GPHN: variants seen among roughly 807,000 people sequenced by gnomAD.
The protein encoded by GPHN is gephyrin.
A neutral mutation model predicts 95.5 loss-of-function variants in GPHN; 17 were observed. The observed-to-expected ratio is 0.18, with a 90% CI of 0.12 to 0.27. GPHN has a LOEUF of 0.27. Ranked by LOEUF, GPHN falls within the 10% of genes least tolerant of loss-of-function variation. The probability of loss-of-function intolerance (pLI) is 1.00; values close to 1 mark genes in which losing one functional copy is unlikely to be tolerated. For synonymous variants in GPHN, 320 were observed against 322.5 expected (o/e 0.99, Z 0.08); for missense variants, 660 against 978.1 (o/e 0.67, Z 4.34).
At chr14:66,673,800 AT>A (rs35833429) in intron 1 of GPHN, among the ~76,000 whole-genome samples, 22,047 of 152,030 alleles carry the variant, frequency 0.15, 1,998 homozygotes, top group Non-Finnish European at 0.2. Flanking sequence ...AAATTAGCCA[AT>A]TTTTTTACTG....
chr14:67,188,080 G>A, the GPHN span, among the ~76,000 whole-genome samples: 1 of 152,142 alleles, frequency 6.6e-6, no homozygotes, highest in African/African-American at 2.4e-5. Flanking sequence ...ACTGAATGTG[G>A]CAGGAAAGCT....
At chr14:66,994,218 T>C (rs1324142392) in intron 9 of GPHN, among the ~76,000 whole-genome samples, 1 of 151,880 alleles carries the variant, frequency 6.6e-6, no homozygotes, top group African/African-American at 2.4e-5. Flanking sequence ...ATACAAAAAT[T>C]AGCCGGGCAT....
chr14:67,417,392 A>C, the GPHN span, among the ~76,000 whole-genome samples: 1 of 152,200 alleles, frequency 6.6e-6, no homozygotes, highest in South Asian at 2.1e-4. Context: ...GGTTGGTAGA[A>C]GGAGTGAGCA....
the GPHN span, chr14:67,515,366 C>CG: frequency 5.7e-6 from 1 of 174,048 alleles, no homozygotes; most frequent in Non-Finnish European, 1.2e-5. Flanking sequence ...GCGCGGGGTC[C>CG]GGGGGGCTGC....
chr14:67,660,478 T>C, the GPHN span, among the ~76,000 whole-genome samples: 2 of 152,206 alleles, frequency 1.3e-5, no homozygotes, highest in African/African-American at 4.8e-5. Flanking sequence ...CTCTCTTCAA[T>C]ATACCAAGTT....
At chr14:67,113,731 T>C (rs2078511942) in intron 16 of GPHN, among the ~76,000 whole-genome samples, 2 of 152,344 alleles carry the variant, frequency 1.3e-5, no homozygotes, top group East Asian at 3.9e-4. Context: ...GGTCAAAATG[T>C]CTTTTCATTC....
At chr14:67,174,857 T>G (rs1259393193) in intron 21 of GPHN, among the ~76,000 whole-genome samples, 1 of 152,254 alleles carries the variant, frequency 6.6e-6, no homozygotes, top group African/African-American at 2.4e-5. Context: ...TTCATATGTC[T>G]ATTGGCTGTA....
At chr14:66,610,899 C>G (rs990335304) in intron 1 of GPHN, among the ~76,000 whole-genome samples, 2 of 152,120 alleles carry the variant, frequency 1.3e-5, no homozygotes, top group African/African-American at 4.8e-5. Context: ...CCAAGATAAT[C>G]AGACATCTCC....
chr14:67,323,615 A>ATATAT, the GPHN span: 103 of 260,318 alleles, frequency 4.0e-4, no homozygotes, highest in African/African-American at 2.0e-3. Flanking sequence ...CCCTTAATCT[A>ATATAT]ATATATATAT....
At chr14:67,522,331 T>C in the GPHN span, among the ~76,000 whole-genome samples, 1 of 152,238 alleles carries the variant, frequency 6.6e-6, no homozygotes, top group Non-Finnish European at 1.5e-5. Context: ...AAAGAATTTC[T>C]GCCCTGGAGA....
intron 1 of GPHN, among the ~76,000 whole-genome samples, chr14:66,629,140 T>C (rs2063650131): frequency 8.0e-6 from 1 of 125,470 alleles, no homozygotes; most frequent in East Asian, 2.1e-4. Flanking sequence ...TAAATATATA[T>C]TTATATACAT....
the GPHN span, among the ~76,000 whole-genome samples, chr14:67,552,640 G>A: frequency 2.0e-5 from 3 of 146,478 alleles, no homozygotes; most frequent in Admixed American, 2.0e-4. Flanking sequence ...GGTGGCGGGT[G>A]CCTGTAGTCC....
chr14:67,533,485 C>T, the GPHN span: 2 of 151,942 alleles, frequency 1.3e-5, no homozygotes, highest in African/African-American at 4.8e-5. Context: ...GACGGCCCCT[C>T]GGGCCCAGAG....
chr14:66,871,943 A>T (rs925653964), intron 4 of GPHN, among the ~76,000 whole-genome samples: 11 of 151,908 alleles, frequency 7.2e-5, no homozygotes, highest in East Asian at 3.9e-4. Flanking sequence ...AGTAAAATTT[A>T]AAAAAAAATT....
the GPHN span, among the ~76,000 whole-genome samples, chr14:67,401,409 G>A: frequency 1.3e-5 from 2 of 152,156 alleles, no homozygotes; most frequent in Non-Finnish European, 2.9e-5. Context: ...CTACTTGGGA[G>A]GCTGAGGTGG....
At chr14:66,544,247 A>C (rs2059452340) in intron 1 of GPHN, among the ~76,000 whole-genome samples, 1 of 152,088 alleles carries the variant, frequency 6.6e-6, no homozygotes, top group South Asian at 2.1e-4. Flanking sequence ...AATTCCCTCA[A>C]ATGTCACCTT....
intron 1 of GPHN, among the ~76,000 whole-genome samples, chr14:66,592,275 A>G (rs28892884): frequency 6.6e-6 from 1 of 152,186 alleles, no homozygotes; most frequent in Non-Finnish European, 1.5e-5. Context: ...ACCAAAAGCA[A>G]TGGCAGCAAA....
At chr14:67,577,526 A>T in the GPHN span, 5 of 705,636 alleles carry the variant, frequency 7.1e-6, no homozygotes, top group African/African-American at 8.8e-5. Context: ...GAAGGGAAGG[A>T]AACTTCCCAG....
chr14:66,812,159 C>T (rs2060790281), intron 3 of GPHN, among the ~76,000 whole-genome samples: 1 of 152,148 alleles, frequency 6.6e-6, no homozygotes, highest in South Asian at 2.1e-4. Flanking sequence ...TATAAATAAA[C>T]TCCCTGTATT....
Sources: gnomAD v4.1 joint callset for allele counts (sites outside exome capture counted in the v4.1 genomes callset) on GRCh38, gnomAD v4.1.1 for gene constraint, MANE v1.5 for transcripts, NCBI Gene and HGNC (gene_info 2026-07-23, HGNC 2026-07-21) for gene names.